The following LMTK2 variants were observed in gnomAD, a reference collection of about 807,000 sequenced individuals.
LMTK2 encodes the protein lemur tail kinase 2.
A neutral mutation model predicts 127.5 loss-of-function variants in LMTK2; 37 were observed. The observed-to-expected ratio is 0.29, with a 90% confidence interval of 0.22 to 0.38. The LOEUF (loss-of-function observed/expected upper bound fraction) is 0.38, where lower values mean the gene tolerates loss of function less well. Ranked by LOEUF, LMTK2 falls within the 10% of genes least tolerant of loss-of-function variation. The probability of loss-of-function intolerance (pLI) is 1.00; values close to 1 mark genes in which losing one functional copy is unlikely to be tolerated. For missense variants in LMTK2, 1,694 were observed against 1,920.3 expected (o/e 0.88, Z 2.20); for synonymous variants, 819 against 810.1 (o/e 1.01, Z -0.19).
rs531658754 is a variant in LMTK2, at chr7:98,151,095, G to A, written c.377-287G>A. The stretch of plus-strand genomic sequence containing the variant: ...GCTGTTCAAGAGAGATGAAAATGAA[G>A]ACTAAGTAAAGGCCATTGGCCTGGT... On this transcript the variant is annotated intron_variant, in intron 3 of 13. Coordinates refer to ENST00000297293, the MANE Select transcript of LMTK2 (RefSeq NM_014916.4). 8.4e-4 allele frequency among the ~76,000 whole-genome samples: 128 copies of A among 152,214 alleles called. 1 individual carries two copies. Among genetic ancestry groups the A allele is most frequent in the African/African-American group, 3.0e-3 (123 of 41,520 alleles).
intron 11 of LMTK2, among the ~76,000 whole-genome samples, chr7:98,199,926 G>GA (rs1442863966): frequency 1.8e-4 from 28 of 152,154 alleles, no homozygotes; most frequent in African/African-American, 5.8e-4. Context: ...ACTCTGTTCT[G>GA]AAAAATCTGC....
chr7:98,200,919 G>A (rs969745524), intron 11 of LMTK2, among the ~76,000 whole-genome samples: 1 of 152,166 alleles, frequency 6.6e-6, no homozygotes, highest in Non-Finnish European at 1.5e-5. Context: ...GGAACTCTCT[G>A]ATCTGGAGGG....
chr7:98,167,455 G>T (rs1227524448), intron 6 of LMTK2, among the ~76,000 whole-genome samples: 1 of 152,222 alleles, frequency 6.6e-6, no homozygotes, highest in South Asian at 2.1e-4. Context: ...GGAGACTGGC[G>T]CAGGTGTGTC....
At chr7:98,125,302 C>CAA (rs553815609) in intron 1 of LMTK2, among the ~76,000 whole-genome samples, 7 of 131,538 alleles carry the variant, frequency 5.3e-5, no homozygotes, top group Admixed American at 1.5e-4. Context: ...GACTCCGTCT[C>CAA]AAAAAAAAAA....
rs1796980199 is a variant in LMTK2, at chr7:98,159,439, A to G, written c.657+14A>G. On this transcript the variant is annotated intron_variant, in intron 6 of 13. Transcript: ENST00000297293. ...TTCTGTGACTTGGTAAGTTCCTTGA[A>G]GGAATTCAAGTTCGAGTATTCCAGA... The G allele has an allele frequency of 1.3e-6, 2 of 1,552,928 alleles. No individual in the cohort carries two copies. Among genetic ancestry groups the G allele is most frequent in the South Asian group, 1.1e-5 (1 of 89,466 alleles).
chr7:98,161,460 A>C (rs943396151), intron 6 of LMTK2, among the ~76,000 whole-genome samples: 3 of 152,144 alleles, frequency 2.0e-5, no homozygotes, highest in African/African-American at 7.2e-5. Flanking sequence ...GAAGTAAGGC[A>C]GCATGCTGCA....
At chr7:98,144,258 G>A (rs1422609986) in intron 3 of LMTK2, among the ~76,000 whole-genome samples, 3 of 151,708 alleles carry the variant, frequency 2.0e-5, no homozygotes, top group Non-Finnish European at 4.4e-5. Flanking sequence ...GTGAAACTCC[G>A]TCTCTACTAA....
chr7:98,114,870 T>C (rs551965946), intron 1 of LMTK2, among the ~76,000 whole-genome samples: 44 of 152,256 alleles, frequency 2.9e-4, no homozygotes, highest in African/African-American at 8.4e-4. Flanking sequence ...TTAAAACCTC[T>C]TTGCGGACCC....
chr7:98,117,387 A>G (rs917653531), intron 1 of LMTK2, among the ~76,000 whole-genome samples: 5 of 152,046 alleles, frequency 3.3e-5, no homozygotes, highest in Middle Eastern at 3.4e-3. Flanking sequence ...TTATTCAAGC[A>G]TTTACTTATG....
chr7:98,157,580 C>T (rs1421963339), intron 5 of LMTK2, among the ~76,000 whole-genome samples: 2 of 150,764 alleles, frequency 1.3e-5, no homozygotes, highest in South Asian at 2.1e-4. Flanking sequence ...CTAACATGTC[C>T]GTCAGTAGGT....
chr7:98,182,873 A>G (rs1412630163), intron 7 of LMTK2, among the ~76,000 whole-genome samples: 1 of 152,220 alleles, frequency 6.6e-6, no homozygotes, highest in Non-Finnish European at 1.5e-5. Flanking sequence ...AATTGTCTGA[A>G]TGAACTCATC....
intron 11 of LMTK2, among the ~76,000 whole-genome samples, chr7:98,200,816 TTTGTTGTTG>T (rs138102097): frequency 6.6e-6 from 1 of 151,720 alleles, no homozygotes; most frequent in Non-Finnish European, 1.5e-5. Flanking sequence ...TATTATTTAT[TTTGTTGTTG>T]TTGTTGTTGT....
In LMTK2 at chr7:98,206,603, A is replaced by C. The variant is rs1430302381; in HGVS notation, c.*1111A>C. ...CCGTGTTCCTGTCAGTCCTTCCTTC[A>C]AGAAGCCGGGGAACTCAGGCAGACT... is the stretch of plus-strand genomic sequence containing the variant. On this transcript the variant is annotated 3_prime_UTR_variant, in exon 14 of 14. Transcript: ENST00000297293. 6.6e-6 allele frequency: 1 copy of C among 152,196 alleles called. No homozygotes were observed. Among genetic ancestry groups the C allele is most frequent in the Non-Finnish European group, 1.5e-5 (1 of 68,054 alleles). The allele number at this position is 152,196 out of a possible 1,614,324, so 9.4% of individuals were successfully genotyped here. A position where few individuals can be genotyped will look rare whatever the true frequency, so the allele number is the denominator to read the frequency against.
At chr7:98,168,567 T>C (rs1372582212) in intron 6 of LMTK2, among the ~76,000 whole-genome samples, 2 of 152,244 alleles carry the variant, frequency 1.3e-5, no homozygotes, top group African/African-American at 4.8e-5. Flanking sequence ...TGACTTTAAT[T>C]TTTCAGTTCT....
Position 98,205,887 on chromosome 7 carries a change from G to C in LMTK2, c.*395G>C, listed in dbSNP as rs2116489625. ...CCTGCACATCCCGGCGCACGTGTGG[G>C]CACCACAGAGGACACGTGAGGGGAA... On this transcript the variant is annotated 3_prime_UTR_variant, in exon 14 of 14. Coordinates refer to ENST00000297293, the MANE Select transcript of LMTK2 (RefSeq NM_014916.4). The C allele has an allele frequency of 4.3e-6, 1 of 234,156 alleles. No homozygotes were observed. The allele number at this position is 234,156 out of a possible 1,614,324, so 14.5% of individuals were successfully genotyped here. A position where few individuals can be genotyped will look rare whatever the true frequency, so the allele number is the denominator to read the frequency against.
At chr7:98,152,164 C>T (rs1369891695) in intron 4 of LMTK2, among the ~76,000 whole-genome samples, 1 of 152,086 alleles carries the variant, frequency 6.6e-6, no homozygotes, top group Non-Finnish European at 1.5e-5. Context: ...CAATGAAGAC[C>T]ACCATGAACA....
chr7:98,133,101 T>C (rs1562900139), intron 1 of LMTK2, among the ~76,000 whole-genome samples: 1 of 152,256 alleles, frequency 6.6e-6, no homozygotes, highest in South Asian at 2.1e-4. Flanking sequence ...CAGAATGTGC[T>C]GTAGACATGC....
intron 5 of LMTK2, among the ~76,000 whole-genome samples, chr7:98,159,024 C>G (rs1402405390): frequency 6.6e-6 from 1 of 152,106 alleles, no homozygotes; most frequent in Non-Finnish European, 1.5e-5. Flanking sequence ...CACCACTGCA[C>G]TCCAGCCAGG....
chr7:98,171,734 GC>G lies in LMTK2; in HGVS notation c.791+61del. Reference sequence around the variant, plus strand: ...AGCACCGGCGGGACAGTCCAGAGAGGCTGCCGAGTTTGTGAAACTTAAGGAG... The same window carrying G: ...AGCACCGGCGGGACAGTCCAGAGAGGTGCCGAGTTTGTGAAACTTAAGGAG... On this transcript the variant is annotated intron_variant, in intron 7 of 13. Coordinates refer to ENST00000297293, the MANE Select transcript of LMTK2 (RefSeq NM_014916.4). The surrounding 1 kb of genome is among the most constrained non-coding windows in gnomAD (Gnocchi z 5.1). The G allele has an allele frequency of 6.8e-7, 1 of 1,480,742 alleles. No individual in the cohort carries two copies. The highest frequency in any genetic ancestry group is 1.4e-5 in the African/African-American group (1 of 71,052). 91.7% of individuals were successfully genotyped at this position (1,480,742 alleles called of 1,614,324 possible).
Sources: allele counts gnomAD v4.1 joint callset (sites outside exome capture counted in the v4.1 genomes callset), GRCh38; gene constraint gnomAD v4.1.1; non-coding constraint Gnocchi (gnomAD v3.1); transcripts MANE v1.5; gene names NCBI Gene and HGNC (gene_info 2026-07-23, HGNC 2026-07-21).